The following MASP1 variants were observed in gnomAD, a reference collection of about 807,000 sequenced individuals.
MASP1 encodes the protein MBL associated serine protease 1.
MASP1 carries 59 observed loss-of-function variants against 77.1 expected under a neutral mutation model. That is an observed-to-expected ratio of 0.77 (90% confidence interval 0.62 to 0.95). The LOEUF (loss-of-function observed/expected upper bound fraction) is 0.95. MASP1 is among the 40% of genes least tolerant of loss of function. The pLI, the probability that MASP1 is intolerant of heterozygous loss-of-function variation, is 0.00. For missense variants in MASP1, 885 were observed against 912.9 expected (o/e 0.97, Z 0.39); for synonymous variants, 362 against 354.5 (o/e 1.02, Z -0.24).
At chr3:187,274,204 TAAA>T (rs373166870) in intron 2 of MASP1, among the ~76,000 whole-genome samples, 3 of 138,018 alleles carry the variant, frequency 2.2e-5, no homozygotes, top group African/African-American at 8.0e-5. Context: ...CGAGACTCCA[TAAA>T]AAAAAAAAAA....
intron 8 of MASP1, chr3:187,247,229 G>A: frequency 1.2e-6 from 2 of 1,602,078 alleles, no homozygotes; most frequent in East Asian, 2.2e-5. Flanking sequence ...CATGGAAAGG[G>A]GCACGGGGGT....
At chr3:187,253,451 G>C (rs539929351) in intron 5 of MASP1, 136 bp from the exon 6 acceptor site, 2 of 846,930 alleles carry the variant, frequency 2.4e-6, no homozygotes, top group Non-Finnish European at 4.0e-6. Context: ...ATTCACTTAG[G>C]TTTTTAGTGA....
At chr3:187,241,906 G>A (rs892123368) in intron 9 of MASP1, 20 of 294,562 alleles carry the variant, frequency 6.8e-5, no homozygotes, top group East Asian at 1.7e-4. Context: ...TCAGAATCAC[G>A]AATGGCTTGC....
At chr3:187,265,803 G>A (rs577523829) in intron 2 of MASP1, among the ~76,000 whole-genome samples, 1 of 152,298 alleles carries the variant, frequency 6.6e-6, no homozygotes, top group South Asian at 2.1e-4. Flanking sequence ...TAAAGACACA[G>A]ACACTTGGCC....
At chr3:187,246,137 C>T (rs891642194) in intron 8 of MASP1, among the ~76,000 whole-genome samples, 1 of 152,186 alleles carries the variant, frequency 6.6e-6, no homozygotes, top group Non-Finnish European at 1.5e-5. Flanking sequence ...CTCTGGCCAC[C>T]CTGAAGTCCT....
At chr3:187,287,987 C>T (rs1490516338) in intron 1 of MASP1, among the ~76,000 whole-genome samples, 2 of 152,136 alleles carry the variant, frequency 1.3e-5, no homozygotes, top group Non-Finnish European at 2.9e-5. Context: ...AAAGGATATA[C>T]ACCAAGGTAT....
chr3:187,260,743 C>T lies in MASP1; in HGVS notation c.545G>A (p.Arg182Gln), dbSNP rs772006226. ...YILHTDNRTC[R>Q]VECSDNLFTQ... ...ATACAATCATTGGTAGGCTCTACCT[C>T]GGCAGGTCCTGTTGTCTGTGTGGAG... Residue 182 changes from arginine (R) to glutamine (Q), a missense_variant and splice_region_variant, in exon 4 of 11, where the codon CGA becomes CAA. Coordinates refer to ENST00000296280, the MANE Select transcript of MASP1 (RefSeq NM_139125.4). 1.7e-5 allele frequency: 27 copies of T among 1,614,040 alleles called. No individual in the cohort carries two copies. The highest frequency in any genetic ancestry group is 2.7e-5 in the African/African-American group (2 of 74,924).
In MASP1 at chr3:187,250,242, C is replaced by G; in HGVS notation, c.1090+9G>C. ...AGTATCTTTATAACAACCCATTAGG[C>G]TTTCTTACTTTTACAGGTGGGAATC... On this transcript the variant is annotated intron_variant, in intron 8 of 10. Transcript: ENST00000296280. 1.2e-6 allele frequency: 2 copies of G among 1,611,428 alleles called. No individual in the cohort carries two copies. Among genetic ancestry groups the G allele is most frequent in the Non-Finnish European group, 1.7e-6 (2 of 1,177,572 alleles).
rs1315039964 is a variant in MASP1 at position 187,241,472 on chromosome 3, G to T, written c.1303+9C>A. 4 of 1,612,466 alleles carry T rather than the reference G, an allele frequency of 2.5e-6. No homozygotes were observed. The highest frequency in any genetic ancestry group is 3.4e-6 in the Non-Finnish European group (4 of 1,178,630). ...AACTGTGAGGCAAAGGATTTGGAGGGTGAGGTACCTGGAAGGCAGGTGGGT... is the reference window on the plus strand; with the variant it reads ...AACTGTGAGGCAAAGGATTTGGAGGTTGAGGTACCTGGAAGGCAGGTGGGT... On this transcript the variant is annotated intron_variant, in intron 10 of 10. Coordinates refer to ENST00000296280, the MANE Select transcript of MASP1 (RefSeq NM_139125.4).
intron 3 of MASP1, 133 bp downstream of exon 3, chr3:187,262,410 T>C: frequency 1.2e-6 from 1 of 834,464 alleles, no homozygotes; most frequent in Non-Finnish European, 2.0e-6. Flanking sequence ...ATAGAGCAAA[T>C]GCATTAAGAC....
At chr3:187,261,331 A>C (rs776859399) in intron 3 of MASP1, among the ~76,000 whole-genome samples, 6 of 152,252 alleles carry the variant, frequency 3.9e-5, no homozygotes, top group Non-Finnish European at 8.8e-5. Context: ...AGCTGGGTAC[A>C]GAGCTTGTGC....
intron 2 of MASP1, among the ~76,000 whole-genome samples, chr3:187,275,140 A>G (rs1414351196): frequency 6.6e-6 from 1 of 152,208 alleles, no homozygotes; most frequent in African/African-American, 2.4e-5. Context: ...TGGGCCCCAA[A>G]CAGTTCAGGA....
At chr3:187,232,358 A>G (rs1298032022), downstream of MASP1, among the ~76,000 whole-genome samples, 1 of 151,446 alleles carries the variant, frequency 6.6e-6, no homozygotes, top group Admixed American at 6.6e-5. Context: ...CCTCTATGCC[A>G]TCATACTACC....
chr3:187,283,682 A>G (rs1352780396), intron 2 of MASP1, among the ~76,000 whole-genome samples: 1 of 152,232 alleles, frequency 6.6e-6, no homozygotes, highest in Admixed American at 6.5e-5. Flanking sequence ...GATGGTTAGC[A>G]TGTTTGAAAG....
Position 187,226,519 on chromosome 3 carries a change from G to A in MASP1, c.1443C>T (p.Gly481=), listed in dbSNP as rs768102795. ...GTGCGGCGGTCACGATCCAGCTGGA[G>A]CCTGGGGAACAGAACACACGTCTCA... Residue 481 remains glycine (G), a splice_region_variant and synonymous_variant, in exon 12 of 16, where the codon GGC becomes GGT. Transcript: ENST00000337774. 12 of 1,604,342 alleles carry A rather than the reference G, an allele frequency of 7.5e-6. No individual in the cohort carries two copies. In the South Asian group the frequency reaches 1.3e-4, roughly 18 times the overall value.
rs142345100 is a variant in MASP1 at position 187,220,778 on chromosome 3, A to C, written c.1909+257T>G. 9.8e-4 allele frequency among the ~76,000 whole-genome samples: 150 copies of C among 152,306 alleles called. 2 individuals carry two copies. The highest frequency in any genetic ancestry group is 3.5e-3 in the African/African-American group (145 of 41,572). On this transcript the variant is annotated intron_variant, in intron 15 of 15. Coordinates refer to the MASP1 transcript ENST00000337774. ...CTCCCAAAGTGCTGGGATTACAGGC[A>C]TGAACCACCGTGCCCGGCCAAGGCC... is the stretch of plus-strand genomic sequence containing the variant.
At position 187,248,988 on chromosome 3, in the gene MASP1, G is replaced by A. The variant is rs372071261; in HGVS notation, c.1090+1263C>T. ...TGTAGGAGAAAGGGAAGAGGATAGC[G>A]CTCCAGTTTGCATGAAAATTCATGA... On this transcript the variant is annotated intron_variant, in intron 8 of 10. Coordinates refer to ENST00000296280, the MANE Select transcript of MASP1 (RefSeq NM_139125.4). Among the ~76,000 whole-genome samples, 288 of 152,300 alleles carry A rather than the reference G, an allele frequency of 1.9e-3. 2 individuals are homozygous for A. The highest frequency in any genetic ancestry group is 6.7e-3 in the African/African-American group (277 of 41,568).
rs372743245 is a variant in MASP1, at chr3:187,256,842, A to T, written c.566T>A (p.Leu189His). 1.4e-5 allele frequency: 23 copies of T among 1,613,896 alleles called. No individual in the cohort carries two copies. Among genetic ancestry groups the T allele is most frequent in the Non-Finnish European group, 1.9e-5 (23 of 1,179,938 alleles). ...GATCACCCCAGTCCTTTGAGTGAAG[A>T]GGTTGTCACTGCACTCCACTGTTGG... Reference protein sequence around the residue: ...RTCRVECSDNLFTQRTGVITS... With the variant: ...RTCRVECSDNHFTQRTGVITS... The change falls in exon 5 of 11, where the codon CTC (leucine) becomes CAC (histidine). Residue 189 changes from leucine to histidine, a missense_variant. Transcript: ENST00000296280.
At position 187,250,311 on chromosome 3, in the gene MASP1, T is replaced by C. The variant is rs1421663836; in HGVS notation, c.1030A>G (p.Thr344Ala). The change falls in exon 8 of 11, where the codon ACA becomes GCA. Residue 344 changes from threonine (T) to alanine (A), a missense_variant. By Grantham distance (58) the Thr-to-Ala change is moderately conservative. Coordinates refer to ENST00000296280, the MANE Select transcript of MASP1 (RefSeq NM_139125.4). Reference protein sequence around the residue: ...KVLKDNVEMDTFQIECLKDGT... With the variant: ...KVLKDNVEMDAFQIECLKDGT... ...TCCTTCAGACACTCAATCTGGAATG[T>C]GTCCATCTCCACATTATCCTGGGAA... 6.2e-7 allele frequency: 1 copy of C among 1,613,578 alleles called. No homozygotes were observed.
Sources: allele counts gnomAD v4.1 joint callset (sites outside exome capture counted in the v4.1 genomes callset), GRCh38; gene constraint gnomAD v4.1.1; transcripts MANE v1.5; gene names NCBI Gene and HGNC (gene_info 2026-07-23, HGNC 2026-07-21).